The following TRABD2B variants were observed in gnomAD, a reference collection of about 807,000 sequenced individuals.
The protein encoded by TRABD2B is TraB domain containing 2B.
Under a neutral mutation model 40.1 loss-of-function variants are expected in TRABD2B, and 14 were observed. The observed-to-expected ratio is 0.35, with a 90% CI of 0.23 to 0.55. TRABD2B has a LOEUF of 0.55. TRABD2B is among the 20% of genes least tolerant of loss of function. The pLI, the probability that TRABD2B is intolerant of heterozygous loss-of-function variation, is 0.90. For missense variants in TRABD2B, 541 were observed against 648.6 expected, an observed-to-expected ratio of 0.83 and a Z score of 1.80; for synonymous variants, 263 against 277.0, an observed-to-expected ratio of 0.95 and a Z score of 0.50.
intron 2 of TRABD2B, among the ~76,000 whole-genome samples, chr1:47,926,818 G>A (rs1644975616): frequency 6.6e-6 from 1 of 152,148 alleles, no homozygotes; most frequent in Non-Finnish European, 1.5e-5. Context: ...TTCCTCTCCA[G>A]CACACCCTTC....
At chr1:47,941,235 G>C (rs1326552084) in intron 2 of TRABD2B, among the ~76,000 whole-genome samples, 1 of 152,140 alleles carries the variant, frequency 6.6e-6, no homozygotes, top group Non-Finnish European at 1.5e-5. Flanking sequence ...AAGTTCCTTA[G>C]AGTAGAAGTC....
At chr1:47,852,485 T>C (rs1645563754) in intron 2 of TRABD2B, among the ~76,000 whole-genome samples, 2 of 152,204 alleles carry the variant, frequency 1.3e-5, no homozygotes, top group Admixed American at 1.3e-4. Context: ...GCAGGCCCCA[T>C]GTGGCTGCGC....
chr1:47,828,162 A>G (rs563788514), intron 2 of TRABD2B, among the ~76,000 whole-genome samples: 171 of 152,282 alleles, frequency 1.1e-3, no homozygotes, highest in African/African-American at 3.9e-3. Flanking sequence ...TGCGACCTAG[A>G]TAGCCGATGT....
chr1:47,824,595 A>G (rs1362511453), intron 2 of TRABD2B, among the ~76,000 whole-genome samples: 1 of 152,196 alleles, frequency 6.6e-6, no homozygotes, highest in African/African-American at 2.4e-5. Context: ...CCCATGCCCT[A>G]TTCATTCTGA....
intron 2 of TRABD2B, among the ~76,000 whole-genome samples, chr1:47,875,745 A>C (rs1644216866): frequency 6.6e-6 from 1 of 150,952 alleles, no homozygotes; most frequent in African/African-American, 2.4e-5. Flanking sequence ...AAAGAAAAGG[A>C]CAAAGTGACT....
chr1:47,929,144 A>AT (rs1184747278), intron 2 of TRABD2B, among the ~76,000 whole-genome samples: 1 of 152,128 alleles, frequency 6.6e-6, no homozygotes, highest in Non-Finnish European at 1.5e-5. Context: ...TTAGACATAC[A>AT]TTTTTCCTGC....
At chr1:47,860,549 G>A (rs924073280) in intron 2 of TRABD2B, among the ~76,000 whole-genome samples, 1 of 152,160 alleles carries the variant, frequency 6.6e-6, no homozygotes, top group African/African-American at 2.4e-5. Flanking sequence ...ACCTGGGTGA[G>A]TCCTGGATTC....
chr1:47,874,398 G>A (rs1289558652), intron 2 of TRABD2B, among the ~76,000 whole-genome samples: 7 of 141,828 alleles, frequency 4.9e-5, no homozygotes, highest in South Asian at 2.3e-4. Context: ...TCAGCCTCCC[G>A]AGTAGCTGGG....
At chr1:47,800,284 G>A (rs1263792087) in intron 3 of TRABD2B, among the ~76,000 whole-genome samples, 1 of 152,210 alleles carries the variant, frequency 6.6e-6, no homozygotes. Flanking sequence ...GGTCATGCAG[G>A]CCAGGTTGCA....
chr1:47,871,980 T>G (rs1644148219), intron 2 of TRABD2B, among the ~76,000 whole-genome samples: 1 of 152,196 alleles, frequency 6.6e-6, no homozygotes, highest in African/African-American at 2.4e-5. Context: ...ATCTGGGATA[T>G]GAGTCATCTT....
intron 2 of TRABD2B, among the ~76,000 whole-genome samples, chr1:47,817,498 C>A (rs1230809476): frequency 6.6e-6 from 1 of 152,118 alleles, no homozygotes; most frequent in Non-Finnish European, 1.5e-5. Flanking sequence ...GAACATGCCT[C>A]AGCTACAGGG....
chr1:47,960,701 G>A (rs996076073), intron 2 of TRABD2B, among the ~76,000 whole-genome samples: 5 of 152,070 alleles, frequency 3.3e-5, no homozygotes, highest in Non-Finnish European at 5.9e-5. Context: ...ACTGCTCAAG[G>A]AAATAAAAGA....
intron 2 of TRABD2B, among the ~76,000 whole-genome samples, chr1:47,867,009 A>G (rs1644068459): frequency 1.3e-5 from 2 of 152,180 alleles, no homozygotes; most frequent in African/African-American, 4.8e-5. Flanking sequence ...ACACTCAGCT[A>G]TACAAACTTC....
chr1:47,870,528 C>A (rs1346476891), intron 2 of TRABD2B, among the ~76,000 whole-genome samples: 3 of 152,186 alleles, frequency 2.0e-5, no homozygotes, highest in Admixed American at 6.5e-5. Flanking sequence ...TATGATGGCA[C>A]TTGTCACCAT....
intron 2 of TRABD2B, among the ~76,000 whole-genome samples, chr1:47,951,194 A>G (rs1353593606): frequency 6.6e-6 from 1 of 152,186 alleles, no homozygotes; most frequent in African/African-American, 2.4e-5. Context: ...CCAGAGGCAG[A>G]CAGGCAGGCG....
intron 2 of TRABD2B, among the ~76,000 whole-genome samples, chr1:47,842,933 T>C (rs1645418534): frequency 6.6e-6 from 1 of 152,088 alleles, no homozygotes; most frequent in Non-Finnish European, 1.5e-5. Flanking sequence ...GATGGGGATG[T>C]TGGAGCTGAG....
At chr1:47,943,151 G>C (rs1164704448) in intron 2 of TRABD2B, among the ~76,000 whole-genome samples, 1 of 152,130 alleles carries the variant, frequency 6.6e-6, no homozygotes, top group East Asian at 1.9e-4. Flanking sequence ...TCCAGAACGG[G>C]GTTCTGAAGA....
intron 3 of TRABD2B, among the ~76,000 whole-genome samples, chr1:47,799,786 T>C (rs1195373194): frequency 1.3e-5 from 2 of 152,018 alleles, no homozygotes; most frequent in Admixed American, 1.3e-4. Flanking sequence ...TTCCATGCCC[T>C]CTCATCTTGC....
chr1:47,943,425 T>A (rs935859255), intron 2 of TRABD2B, among the ~76,000 whole-genome samples: 4 of 152,170 alleles, frequency 2.6e-5, no homozygotes, highest in African/African-American at 7.2e-5. Flanking sequence ...GCACAAATAA[T>A]CTCAAACAAA....
Sources: allele counts gnomAD v4.1 joint callset (sites outside exome capture counted in the v4.1 genomes callset), GRCh38; gene constraint gnomAD v4.1.1; transcripts MANE v1.5; gene names NCBI Gene and HGNC (gene_info 2026-07-23, HGNC 2026-07-21).